The following ADORA3 variants were observed in gnomAD, a reference collection of about 807,000 sequenced individuals.
ADORA3 encodes the protein adenosine receptor A3.
Under a neutral mutation model 5.7 loss-of-function variants are expected in ADORA3, and 3 were observed. That is an observed-to-expected ratio of 0.52 (90% confidence interval 0.24 to 1.35). The LOEUF (loss-of-function observed/expected upper bound fraction) is 1.35, where lower values mean the gene tolerates loss of function less well. Among genes scored for constraint, ADORA3 ranks in the 40% most tolerant of loss-of-function variants. The pLI is 0.17. For missense variants in ADORA3, 343 were observed against 389.0 expected (o/e 0.88, Z 0.99); for synonymous variants, 168 against 152.3 (o/e 1.10, Z -0.76).
In ADORA3 at chr1:111,500,176, A is replaced by T. The variant is rs768146025; in HGVS notation, c.731T>A (p.Leu244Gln). The T allele has an allele frequency of 6.2e-7, 1 of 1,614,222 alleles. No homozygotes were observed. Among genetic ancestry groups the T allele is most frequent in the Non-Finnish European group, 8.5e-7 (1 of 1,180,044 alleles). The part of the protein sequence containing the change: ...LVLFLFALSW[L>Q]PLSIINCIIY... ...GATGCAGTTGATGATAGATAAAGGC[A>T]GCCATGACAGAGCAAACAAGAAAAG... Residue 244 changes from leucine (L) to glutamine (Q), a missense_variant, in exon 2 of 2, where the codon CTG (leucine) becomes CAG (glutamine). Transcript: ENST00000241356.
rs1655071062 is a variant in ADORA3 at position 111,499,858 on chromosome 1, T to C, written c.*92A>G. The C allele has an allele frequency of 1.3e-6, 2 of 1,543,856 alleles. No individual in the cohort carries two copies. ...ACCTCAGTGGAAGTAATCAAGGATG[T>C]AAAAATCCCTTGGCCCAGGCATACA... On this transcript the variant is annotated 3_prime_UTR_variant, in exon 2 of 2. Coordinates refer to ENST00000241356, the MANE Select transcript of ADORA3 (RefSeq NM_000677.4).
chr1:111,501,478 T>G (rs1472431803), intron 1 of ADORA3: 1 of 152,174 alleles, frequency 6.6e-6, no homozygotes, highest in Non-Finnish European at 1.5e-5. Context: ...TGATGGCAAT[T>G]GTGAAAATAA....
intron 1 of ADORA3, among the ~76,000 whole-genome samples, chr1:111,502,050 T>TATAATAAATATATAGGATATATATA (rs1188838374): frequency 2.9e-5 from 4 of 135,608 alleles, no homozygotes; most frequent in Admixed American, 8.2e-5. Context: ...ATATATTTAA[T>TATAATAAATATATAGGATATATATA]ATAATAAATA....
intron 1 of ADORA3, chr1:111,501,128 T>C (rs938402934): frequency 6.5e-6 from 1 of 154,028 alleles, no homozygotes; most frequent in Non-Finnish European, 1.4e-5. Context: ...TTCTTGGCAC[T>C]GTTCTGTTTG....
intron 1 of ADORA3, among the ~76,000 whole-genome samples, chr1:111,502,053 A>AATAAATATATAGGATATATATATT (rs1655209976): frequency 7.1e-6 from 1 of 140,538 alleles, no homozygotes; most frequent in Admixed American, 7.6e-5. Flanking sequence ...TATTTAATAT[A>AATAAATATATAGGATATATATATT]ATAAATATAT....
At position 111,503,612 on chromosome 1, in the gene ADORA3, G is replaced by A; in HGVS notation, c.-258C>T. 2 of 1,312,052 alleles carry A rather than the reference G, an allele frequency of 1.5e-6. No individual in the cohort carries two copies. Among genetic ancestry groups the A allele is most frequent in the South Asian group, 3.3e-5 (2 of 60,854 alleles). The allele number at this position is 1,312,052 out of a possible 1,614,324, so 81.3% of individuals were successfully genotyped here. ...CACATCCTCAAGTTTCCAGAATGCTGTAGGACAGCTCTATATGGACTGAAT... is the reference window on the plus strand; with the variant it reads ...CACATCCTCAAGTTTCCAGAATGCTATAGGACAGCTCTATATGGACTGAAT... On this transcript the variant is annotated 5_prime_UTR_variant, in exon 1 of 2. Coordinates refer to ENST00000241356, the MANE Select transcript of ADORA3 (RefSeq NM_000677.4).
At position 111,503,590 on chromosome 1, in the gene ADORA3, A is replaced by C. The variant is rs1655367048; in HGVS notation, c.-236T>G. 7.4e-7 allele frequency: 1 copy of C among 1,349,724 alleles called. No individual in the cohort carries two copies. Among genetic ancestry groups the C allele is most frequent in the South Asian group, 1.6e-5 (1 of 62,018 alleles). 83.6% of individuals were successfully genotyped at this position (1,349,724 alleles called of 1,614,324 possible). ...CTTCCAGCCCCTTTATGCACCGCAC[A>C]TCCTCAAGTTTCCAGAATGCTGTAG... On this transcript the variant is annotated 5_prime_UTR_variant, in exon 1 of 2. It removes an upstream start codon present in the reference 5' UTR. Coordinates refer to ENST00000241356, the MANE Select transcript of ADORA3 (RefSeq NM_000677.4).
chr1:111,500,710 A>G (rs2100978338), intron 1 of ADORA3, 154 bp from the exon 2 acceptor site: 1 of 710,588 alleles, frequency 1.4e-6, no homozygotes, highest in Non-Finnish European at 2.3e-6. Context: ...TTGATATCCT[A>G]TGGTGATTCC....
Position 111,500,236 on chromosome 1 carries a change from C to T in ADORA3, c.671G>A (p.Arg224Gln), listed in dbSNP as rs145233928. ...NSKETGAFYG[R>Q]EFKTAKSLFL... ...CAAGGACTTAGCCGTCTTGAACTCC[C>T]GTCCATAAAATGCACCTGTCTCTTT... The change falls in exon 2 of 2, where the codon CGG (arginine) becomes CAG (glutamine). Residue 224 changes from arginine (R) to glutamine (Q), a missense_variant. Coordinates refer to ENST00000241356, the MANE Select transcript of ADORA3 (RefSeq NM_000677.4). 4.2e-5 allele frequency: 68 copies of T among 1,613,986 alleles called. No individual in the cohort carries two copies. The East Asian group carries it at 5.3e-4, about 13-fold the overall frequency.
intron 1 of ADORA3, chr1:111,500,921 CTTTTTT>C (rs56907773): frequency 3.6e-6 from 1 of 280,368 alleles, no homozygotes; most frequent in East Asian, 5.7e-5. Flanking sequence ...TTTTCTTTTT[CTTTTTT>C]TTTTTAACTC....
At chr1:111,500,741 G>A (rs1427578697) in intron 1 of ADORA3, 185 bp from the exon 2 acceptor site, 11 of 616,512 alleles carry the variant, frequency 1.8e-5, no homozygotes, top group South Asian at 6.9e-5. Flanking sequence ...CACTGGATAC[G>A]AAGACAAGAT....
At position 111,499,702 on chromosome 1, in the gene ADORA3, C is replaced by A; in HGVS notation, c.*248G>T. The A allele has an allele frequency of 7.7e-7, 1 of 1,302,930 alleles. No homozygotes were observed. Among genetic ancestry groups the A allele is most frequent in the Admixed American group, 3.3e-5 (1 of 30,422 alleles). 80.7% of individuals were successfully genotyped at this position (1,302,930 alleles called of 1,614,324 possible). ...GAAGAAGGAAAACAGACAATAATATCAATAATACGTTGTCCCCAAGTCAGG... is the reference window on the plus strand; with the variant it reads ...GAAGAAGGAAAACAGACAATAATATAAATAATACGTTGTCCCCAAGTCAGG... On this transcript the variant is annotated 3_prime_UTR_variant, in exon 2 of 2. Coordinates refer to ENST00000241356, the MANE Select transcript of ADORA3 (RefSeq NM_000677.4).
chr1:111,503,156 G>T lies in ADORA3; in HGVS notation c.199C>A (p.Pro67Thr), dbSNP rs1203435475. 3 of 1,614,236 alleles carry T rather than the reference G, an allele frequency of 1.9e-6. No homozygotes were observed. The highest frequency in any genetic ancestry group is 1.7e-5 in the Admixed American group (1 of 60,026). Residue 67 changes from proline (P) to threonine (T), a missense_variant, in exon 1 of 2, where the codon CCT becomes ACT. Pro to Thr is a conservative substitution (Grantham distance 38, BLOSUM62 -1). Transcript: ENST00000241356. ...CCCAGGCTGACAACAATGGCCAAAG[G>T]CATGACCAGCACCCCAACAGCAATG... ...ADIAVGVLVM[P>T]LAIVVSLGIT...
Position 111,500,028 on chromosome 1 carries a change from G to A in ADORA3, c.879C>T (p.Tyr293=). The change falls in exon 2 of 2, where the codon TAC becomes TAT. Residue 293 remains tyrosine (Y), a synonymous_variant. Coordinates refer to ENST00000241356, the MANE Select transcript of ADORA3 (RefSeq NM_000677.4). The stretch of plus-strand genomic sequence containing the variant: ...CCACACAAGCTTTGAGGATCAAAAG[G>A]TAGGTTTCCTTGAACTTCTTTATTT... The part of the protein sequence containing the change: ...AYKIKKFKET[Y]LLILKACVVC... 1 of 1,614,208 alleles carries A rather than the reference G, an allele frequency of 6.2e-7. No homozygotes were observed. The highest frequency in any genetic ancestry group is 8.5e-7 in the Non-Finnish European group (1 of 1,180,030).
At chr1:111,501,505 C>G (rs1655173373) in intron 1 of ADORA3, 1 of 152,054 alleles carries the variant, frequency 6.6e-6, no homozygotes, top group Admixed American at 6.5e-5. Flanking sequence ...TGATAGCCAC[C>G]ATTTATTGAG....
rs951014968 is a variant in ADORA3 at position 111,503,546 on chromosome 1, G to T, written c.-192C>A. The stretch of plus-strand genomic sequence containing the variant: ...TTGGAAACCCTTCTCCTTAGAAAGG[G>T]CTCATCACAGGTGGGTCACTTCCAG... On this transcript the variant is annotated 5_prime_UTR_variant, in exon 1 of 2. Transcript: ENST00000241356. The T allele has an allele frequency of 2.1e-6, 3 of 1,409,972 alleles. No homozygotes were observed. The East Asian group carries it at 7.9e-5, about 37-fold the overall frequency. The allele number at this position is 1,409,972 out of a possible 1,614,324, so 87.3% of individuals were successfully genotyped here. A position where few individuals can be genotyped will look rare whatever the true frequency, so the allele number is the denominator to read the frequency against.
At position 111,500,427 on chromosome 1, in the gene ADORA3, A is replaced by G; in HGVS notation, c.480T>C (p.Asn160=). The G allele has an allele frequency of 1.9e-6, 3 of 1,614,180 alleles. No homozygotes were observed. The highest frequency in any genetic ancestry group is 2.5e-6 in the Non-Finnish European group (3 of 1,180,026). Residue 160 remains asparagine (N), a synonymous_variant, in exon 2 of 2, where the codon AAT becomes AAC. Transcript: ENST00000241356. ...CAAATTGGCATGAAAGGAAGGTGAC[A>G]TTTCTGTGGTACTCTGAGGTCAGTT... is the stretch of plus-strand genomic sequence containing the variant. ...NMKLTSEYHR[N]VTFLSCQFVS... is the part of the protein sequence containing the mutation.
chr1:111,502,412 G>C lies in ADORA3; in HGVS notation c.350+593C>G, dbSNP rs2486265. On this transcript the variant is annotated intron_variant, in intron 1 of 1. Coordinates refer to ENST00000241356, the MANE Select transcript of ADORA3 (RefSeq NM_000677.4). ...ATATAGGATACATATATTTATTATA[G>C]TGAATATATATAGGATACATATATT... Among the ~76,000 whole-genome samples, 3 of 92,314 alleles carry C rather than the reference G, an allele frequency of 3.2e-5. 1 individual carries two copies. Among genetic ancestry groups the C allele is most frequent in the Non-Finnish European group, 6.6e-5 (3 of 45,792 alleles). The allele number at this position is 92,314 out of a possible 152,430, so 60.6% of individuals were successfully genotyped here. A position where few individuals can be genotyped will look rare whatever the true frequency, so the allele number is the denominator to read the frequency against.
At chr1:111,500,660 C>A in intron 1 of ADORA3, 104 bp from the exon 2 acceptor site, 2 of 1,119,620 alleles carry the variant, frequency 1.8e-6, no homozygotes, top group South Asian at 2.9e-5. Flanking sequence ...AAGGCATATA[C>A]TCTCTTAATT....
Sources: allele counts gnomAD v4.1 joint callset (sites outside exome capture counted in the v4.1 genomes callset), GRCh38; gene constraint gnomAD v4.1.1; transcripts MANE v1.5; gene names NCBI Gene and HGNC (gene_info 2026-07-23, HGNC 2026-07-21).